The following ZBTB7C variants were observed in gnomAD, a reference collection of about 807,000 sequenced individuals.
The protein encoded by ZBTB7C is zinc finger and BTB domain containing 7C.
ZBTB7C carries 8 observed loss-of-function variants against 25.7 expected under a neutral mutation model. The observed-to-expected ratio is 0.31, with a 90% CI of 0.18 to 0.56. ZBTB7C has a LOEUF of 0.56. Among genes scored for constraint, ZBTB7C ranks in the 20% least tolerant of loss-of-function variants. ZBTB7C has a pLI of 0.91. For synonymous variants in ZBTB7C, 394 were observed against 369.0 expected, an observed-to-expected ratio of 1.07 and a Z score of -0.78; for missense variants, 824 against 855.2, an observed-to-expected ratio of 0.96 and a Z score of 0.46.
chr18:48,278,200 T>C (rs919440057), intron 2 of ZBTB7C, among the ~76,000 whole-genome samples: 1 of 152,138 alleles, frequency 6.6e-6, no homozygotes, highest in East Asian at 1.9e-4. Context: ...TCCTGCCACA[T>C]GCAAAGAAAT....
At chr18:48,249,907 T>A (rs1476768638) in intron 2 of ZBTB7C, among the ~76,000 whole-genome samples, 1 of 152,174 alleles carries the variant, frequency 6.6e-6, no homozygotes, top group African/African-American at 2.4e-5. Flanking sequence ...ACACTAAGGC[T>A]AGAGCGAAAA....
intron 1 of ZBTB7C, among the ~76,000 whole-genome samples, chr18:48,384,412 A>G (rs2047700679): frequency 6.6e-6 from 1 of 152,208 alleles, no homozygotes; most frequent in Admixed American, 6.5e-5. Context: ...TAGAGGCAGG[A>G]AGAGACTTGT....
chr18:48,134,733 TC>T (rs2144792604), intron 3 of ZBTB7C, among the ~76,000 whole-genome samples: 1 of 152,344 alleles, frequency 6.6e-6, no homozygotes, highest in Non-Finnish European at 1.5e-5. Flanking sequence ...CCAGCACTGA[TC>T]CAGAGAGAGA....
At chr18:48,330,399 T>C (rs1049270101) in intron 2 of ZBTB7C, among the ~76,000 whole-genome samples, 3 of 152,082 alleles carry the variant, frequency 2.0e-5, no homozygotes, top group Non-Finnish European at 2.9e-5. Flanking sequence ...CCATGCACAC[T>C]CAGTGAGGCG....
At chr18:48,295,587 T>C (rs1031421040) in intron 2 of ZBTB7C, among the ~76,000 whole-genome samples, 2 of 152,032 alleles carry the variant, frequency 1.3e-5, no homozygotes, top group East Asian at 1.9e-4. Context: ...TCAGGCACAA[T>C]TGACCCACCC....
intron 2 of ZBTB7C, among the ~76,000 whole-genome samples, chr18:48,287,632 A>C (rs1458536381): frequency 6.6e-6 from 1 of 152,250 alleles, no homozygotes; most frequent in Non-Finnish European, 1.5e-5. Flanking sequence ...GGCCAATCTC[A>C]TTCATGAATA....
intron 3 of ZBTB7C, among the ~76,000 whole-genome samples, chr18:48,115,414 A>C (rs1291832083): frequency 1.1e-5 from 1 of 90,710 alleles, no homozygotes; most frequent in Non-Finnish European, 2.6e-5. Flanking sequence ...GCACCTAGCT[A>C]ATTTTTTTTG....
At chr18:48,329,830 G>C (rs1225707472) in intron 2 of ZBTB7C, among the ~76,000 whole-genome samples, 1 of 152,202 alleles carries the variant, frequency 6.6e-6, no homozygotes, top group African/African-American at 2.4e-5. Flanking sequence ...GCAGAGTAGG[G>C]AGGGACAAAA....
intron 2 of ZBTB7C, among the ~76,000 whole-genome samples, chr18:48,226,634 G>A (rs2043102376): frequency 6.6e-6 from 1 of 152,228 alleles, no homozygotes; most frequent in South Asian, 2.1e-4. Context: ...CACATGAGGT[G>A]TCACCCATGG....
chr18:48,327,887 C>T (rs912612090), intron 2 of ZBTB7C, among the ~76,000 whole-genome samples: 1 of 151,728 alleles, frequency 6.6e-6, no homozygotes, highest in Non-Finnish European at 1.5e-5. Context: ...TAAAGAATTA[C>T]GGCCATATAT....
At chr18:48,264,019 A>G (rs765598199) in intron 2 of ZBTB7C, among the ~76,000 whole-genome samples, 6 of 152,214 alleles carry the variant, frequency 3.9e-5, no homozygotes, top group Non-Finnish European at 8.8e-5. Flanking sequence ...ATCAAGACCT[A>G]TAAAGATATC....
chr18:48,140,451 G>A (rs764785489), intron 3 of ZBTB7C, among the ~76,000 whole-genome samples: 7 of 152,164 alleles, frequency 4.6e-5, no homozygotes, highest in Non-Finnish European at 7.3e-5. Context: ...AGGTCACACC[G>A]CCTGACATAT....
chr18:48,029,859 G>A lies in ZBTB7C; in HGVS notation c.1261C>T (p.Leu421=), dbSNP rs1273944179. Reference sequence around the variant, plus strand: ...AACTTGGCGTTGCAGTGGATGCACAGGTAGGGCCGCTCCCCTGTGTGCTTC... The same window carrying A: ...AACTTGGCGTTGCAGTGGATGCACAAGTAGGGCCGCTCCCCTGTGTGCTTC... ...MRKHTGERPY[L]CIHCNAKFVH... The change falls in exon 5 of 5, where the codon CTG becomes TTG. Residue 421 remains leucine, a synonymous_variant. Transcript: ENST00000590800. The A allele has an allele frequency of 6.2e-7, 1 of 1,611,260 alleles. No individual in the cohort carries two copies. Among genetic ancestry groups the A allele is most frequent in the Admixed American group, 1.7e-5 (1 of 60,028 alleles).
At chr18:48,168,108 G>A (rs1180565019) in intron 3 of ZBTB7C, among the ~76,000 whole-genome samples, 1 of 152,230 alleles carries the variant, frequency 6.6e-6, no homozygotes. Flanking sequence ...CTTCTTATCA[G>A]GCTCCAACCT....
intron 3 of ZBTB7C, among the ~76,000 whole-genome samples, chr18:48,071,636 T>C (rs1211406428): frequency 1.3e-5 from 2 of 152,222 alleles, no homozygotes; most frequent in Non-Finnish European, 2.9e-5. Context: ...AATTCTACTT[T>C]TGAGTACATA....
At chr18:48,335,458 T>A (rs967545421) in intron 2 of ZBTB7C, among the ~76,000 whole-genome samples, 1 of 152,138 alleles carries the variant, frequency 6.6e-6, no homozygotes, top group East Asian at 1.9e-4. Context: ...GAGTCCTGAA[T>A]CCAGTTGCTG....
In ZBTB7C at chr18:48,352,905, T is replaced by C. The variant is rs952643958; in HGVS notation, c.-303-14507A>G. The stretch of plus-strand genomic sequence containing the variant: ...TACTCCACCCCTAGTCCCCCACTTC[T>C]GCACCAGTGGTAGCCCTGGGCAGGC... On this transcript the variant is annotated intron_variant, in intron 1 of 4. Coordinates refer to ENST00000590800, the MANE Select transcript of ZBTB7C (RefSeq NM_001318841.2). 2.0e-5 allele frequency among the ~76,000 whole-genome samples: 3 copies of C among 152,154 alleles called. No individual in the cohort carries two copies. The East Asian group carries it at 5.8e-4, about 29-fold the overall frequency.
chr18:48,159,866 G>T (rs1220771712), intron 3 of ZBTB7C, among the ~76,000 whole-genome samples: 2 of 152,150 alleles, frequency 1.3e-5, no homozygotes, highest in Admixed American at 6.5e-5. Flanking sequence ...AGAGCCCAGG[G>T]GGCCTCCAGC....
intron 2 of ZBTB7C, among the ~76,000 whole-genome samples, chr18:48,305,128 G>C (rs962315263): frequency 6.6e-6 from 1 of 151,498 alleles, no homozygotes; most frequent in Non-Finnish European, 1.5e-5. Flanking sequence ...GGTCCAGCAC[G>C]CCATTCCAGG....
Sources: gnomAD v4.1 joint callset for allele counts (sites outside exome capture counted in the v4.1 genomes callset) on GRCh38, gnomAD v4.1.1 for gene constraint, MANE v1.5 for transcripts, NCBI Gene and HGNC (gene_info 2026-07-23, HGNC 2026-07-21) for gene names.